DAAM2: variants seen among roughly 807,000 people sequenced by gnomAD.
DAAM2 encodes the protein dishevelled associated activator of morphogenesis 2, also known as disheveled-associated activator of morphogenesis 2.
Under a neutral mutation model 120.7 loss-of-function variants are expected in DAAM2, and 39 were observed. That is an observed-to-expected ratio of 0.32 (90% CI 0.25 to 0.42). The LOEUF (loss-of-function observed/expected upper bound fraction) is 0.42. Ranked by LOEUF, DAAM2 falls within the 10% of genes least tolerant of loss-of-function variation. The pLI is 1.00. For missense variants in DAAM2, 1,283 were observed against 1,401.7 expected, an observed-to-expected ratio of 0.92 and a Z score of 1.35; for synonymous variants, 488 against 524.9, an observed-to-expected ratio of 0.93 and a Z score of 0.96.
Position 39,904,430 on chromosome 6 carries a change from G to GTTGT in DAAM2, c.*2396_*2399dup, listed in dbSNP as rs1368582763. 4 of 454,848 alleles carry GTTGT rather than the reference G, an allele frequency of 8.8e-6. No homozygotes were observed. Among genetic ancestry groups the GTTGT allele is most frequent in the African/African-American group, 6.0e-5 (3 of 49,992 alleles). 28.2% of individuals were successfully genotyped at this position (454,848 alleles called of 1,614,324 possible). On this transcript the variant is annotated 3_prime_UTR_variant, in exon 25 of 25. Coordinates refer to ENST00000274867, the MANE Select transcript of DAAM2 (RefSeq NM_001201427.2). ...GGGTGGCTGAGCTGGTCCTTAATAG[G>GTTGT]TTGTTTCTTGGTCTTGCTTTCTTCA... is the stretch of plus-strand genomic sequence containing the variant.
intron 1 of DAAM2, among the ~76,000 whole-genome samples, chr6:39,842,923 A>G (rs1342321084): frequency 1.3e-5 from 2 of 152,026 alleles, no homozygotes; most frequent in Non-Finnish European, 2.9e-5. Context: ...ATTCTTTACT[A>G]TGTTTCAAAG....
intron 1 of DAAM2, among the ~76,000 whole-genome samples, chr6:39,853,419 C>T (rs778182988): frequency 6.6e-6 from 1 of 152,206 alleles, no homozygotes; most frequent in African/African-American, 2.4e-5. Context: ...AGGTCCTTCT[C>T]TTGGGGGATG....
chr6:39,898,096 TAGAA>T (rs1766229014), intron 21 of DAAM2, among the ~76,000 whole-genome samples: 1 of 152,180 alleles, frequency 6.6e-6, no homozygotes, highest in Admixed American at 6.5e-5. Context: ...GAGCCAGAGA[TAGAA>T]AGAATGCCAG....
chr6:39,901,969 C>A lies in DAAM2; in HGVS notation c.3139C>A (p.Arg1047Ser), dbSNP rs766531470. ...DKDLCKLKRSRKRSGSQALEV... is the reference protein window; with the variant it reads ...DKDLCKLKRSSKRSGSQALEV... ...GGACTTATGCAAGCTCAAGCGCAGC[C>A]GCAAGCGATCAGGGAGCCAGGCCCT... The change falls in exon 25 of 25, where the codon CGC becomes AGC. Residue 1047 changes from arginine to serine, a missense_variant. By Grantham distance (110) the Arg-to-Ser change is moderately radical. This residue lies in a region of DAAM2 where 748 missense variants were observed against 768.6 expected (regional missense o/e 0.97). Coordinates refer to ENST00000274867, the MANE Select transcript of DAAM2 (RefSeq NM_001201427.2). This position sits in a 1 kb window ranked among gnomAD's most constrained non-coding sequence, Gnocchi z 4.5. The A allele has an allele frequency of 5.0e-6, 8 of 1,612,302 alleles. No individual in the cohort carries two copies. Among genetic ancestry groups the A allele is most frequent in the Non-Finnish European group, 5.9e-6 (7 of 1,178,614 alleles).
Position 39,873,373 on chromosome 6 carries a change from G to T in DAAM2, c.1162+18G>T. On this transcript the variant is annotated intron_variant, in intron 10 of 24. Transcript: ENST00000274867. The stretch of plus-strand genomic sequence containing the variant: ...GATGCCCTGTAAGTACCCTGCACTT[G>T]CTGCTTCCCTCGACTGGCCTGAACC... The T allele has an allele frequency of 6.5e-7, 1 of 1,545,594 alleles. No individual in the cohort carries two copies. The highest frequency in any genetic ancestry group is 8.9e-7 in the Non-Finnish European group (1 of 1,120,764).
chr6:39,835,496 A>G (rs1283454376), intron 1 of DAAM2, among the ~76,000 whole-genome samples: 1 of 152,132 alleles, frequency 6.6e-6, no homozygotes, highest in Non-Finnish European at 1.5e-5. Context: ...CTCCAAATCT[A>G]GTGCTCTCTT....
chr6:39,884,115 C>A, intron 15 of DAAM2, 46 bp downstream of exon 15: 1 of 999,828 alleles, frequency 1.0e-6, no homozygotes, highest in Non-Finnish European at 1.6e-6. Flanking sequence ...CCCTTGAATC[C>A]AAACCTCAGC....
chr6:39,852,714 G>A (rs1763853241), intron 1 of DAAM2, among the ~76,000 whole-genome samples: 1 of 152,224 alleles, frequency 6.6e-6, no homozygotes, highest in East Asian at 1.9e-4. Flanking sequence ...GGATGAGGAA[G>A]CTGGGGCTTC....
intron 10 of DAAM2, 144 bp from the exon 11 acceptor site, chr6:39,875,186 G>A (rs979593341): frequency 2.5e-6 from 2 of 805,488 alleles, no homozygotes; most frequent in Admixed American, 2.7e-5. Flanking sequence ...ATCAGCAATG[G>A]CATTGCCTCT....
chr6:39,879,259 C>G lies in DAAM2; in HGVS notation c.1627C>G (p.Pro543Ala). The change falls in exon 14 of 25, where the codon CCC becomes GCC. Residue 543 changes from proline to alanine, a missense_variant. This residue lies in a region of DAAM2 where 748 missense variants were observed against 768.6 expected (regional missense o/e 0.97). Transcript: ENST00000274867. ...SSMTTNDLPP[P>A]PPPLPFACCP... is the part of the protein sequence containing the mutation. ...AATGACAACCAATGACCTGCCTCCA[C>G]CCCCTCCTCCTCTGCCCTTTGCCTG... The G allele has an allele frequency of 5.9e-6, 9 of 1,533,736 alleles. No homozygotes were observed. Among genetic ancestry groups the G allele is most frequent in the Non-Finnish European group, 7.9e-6 (9 of 1,133,782 alleles).
At position 39,903,394 on chromosome 6, in the gene DAAM2, G is replaced by C. The variant is rs1766598815; in HGVS notation, c.*1357G>C. 6.6e-6 allele frequency: 1 copy of C among 152,246 alleles called. No homozygotes were observed. Among genetic ancestry groups the C allele is most frequent in the African/African-American group, 2.4e-5 (1 of 41,456 alleles). 9.4% of individuals were successfully genotyped at this position (152,246 alleles called of 1,614,324 possible). On this transcript the variant is annotated 3_prime_UTR_variant, in exon 25 of 25. Transcript: ENST00000274867. ...TTTGGTTCTTCAGCCCAACTTGCAA[G>C]GGGTTCCTTCTGGTCCTCCCATCCA...
Position 39,901,473 on chromosome 6 carries a change from G to A in DAAM2, c.2982+1G>A. ...GCGGCGGGCGCGCATGGAAGCCATG[G>A]TGAGGGGCAGTGCCAGGCCTGGGAC... On this transcript the variant is annotated splice_donor_variant, in intron 24 of 24. Coordinates refer to ENST00000274867, the MANE Select transcript of DAAM2 (RefSeq NM_001201427.2). LOFTEE classifies it high-confidence loss of function. This position sits in a 1 kb window ranked among gnomAD's most constrained non-coding sequence, Gnocchi z 4.5. 6.2e-7 allele frequency: 1 copy of A among 1,603,902 alleles called. No individual in the cohort carries two copies. The highest frequency in any genetic ancestry group is 8.5e-7 in the Non-Finnish European group (1 of 1,178,758).
chr6:39,815,651 T>TACACACACACAC lies in DAAM2; in HGVS notation c.-57+23209_-57+23220dup, dbSNP rs56736428. Among the ~76,000 whole-genome samples the TACACACACACAC allele has an allele frequency of 2.9e-3, 433 of 149,066 alleles. 2 individuals carry two copies. The highest frequency in any genetic ancestry group is 8.4e-3 in the African/African-American group (338 of 40,398). On this transcript the variant is annotated intron_variant, in intron 1 of 24. Transcript: ENST00000274867. The stretch of plus-strand genomic sequence containing the variant: ...TGGAATTACTCCCATACCCCTGGTT[T>TACACACACACAC]ACACACACACACACACACACACACA...
At position 39,871,565 on chromosome 6, in the gene DAAM2, T is replaced by C; in HGVS notation, c.1037T>C (p.Phe346Ser). ...NEDDLELARR[F>S]DMVHIDTKSA... ...GATGACCTGGAGCTAGCCAGGAGGT[T>C]TGACATGGTGAGGAGCCAGCAGGGT... The change falls in exon 9 of 25, where the codon TTT becomes TCT. Residue 346 changes from phenylalanine (F) to serine (S), a missense_variant. Around this residue, in one of 3 missense-constraint regions of DAAM2, gnomAD observed 338 missense variants for 443.9 expected, o/e 0.76. Coordinates refer to ENST00000274867, the MANE Select transcript of DAAM2 (RefSeq NM_001201427.2). 4 of 1,550,492 alleles carry C rather than the reference T, an allele frequency of 2.6e-6. No individual in the cohort carries two copies. Among genetic ancestry groups the C allele is most frequent in the Non-Finnish European group, 3.5e-6 (4 of 1,146,964 alleles).
intron 1 of DAAM2, among the ~76,000 whole-genome samples, chr6:39,805,966 A>G (rs1024439556): frequency 1.1e-4 from 16 of 152,214 alleles, no homozygotes; most frequent in African/African-American, 3.9e-4. Flanking sequence ...CCTTCCCTTA[A>G]GAAACATAAA....
chr6:39,866,197 A>C (rs1764423545), intron 5 of DAAM2, among the ~76,000 whole-genome samples: 1 of 152,158 alleles, frequency 6.6e-6, no homozygotes. Flanking sequence ...AAGGGGATAG[A>C]GGAAAGGATG....
chr6:39,889,638 T>G (rs532568983), intron 17 of DAAM2, among the ~76,000 whole-genome samples: 1 of 152,198 alleles, frequency 6.6e-6, no homozygotes, highest in African/African-American at 2.4e-5. Context: ...CTGGAGGCAT[T>G]GACCCTCCAT....
Position 39,859,922 on chromosome 6 carries a change from G to T in DAAM2, c.169-1006G>T, listed in dbSNP as rs1248953482. ...AGACTATTATACTTCCTTAGATATT[G>T]TTTTCACTGTTTATTGTATTTGAAA... is the stretch of plus-strand genomic sequence containing the variant. On this transcript the variant is annotated intron_variant, in intron 2 of 24. Coordinates refer to ENST00000274867, the MANE Select transcript of DAAM2 (RefSeq NM_001201427.2). Among the ~76,000 whole-genome samples, 4 of 151,988 alleles carry T rather than the reference G, an allele frequency of 2.6e-5. No individual in the cohort carries two copies. The East Asian group carries it at 7.7e-4, about 29-fold the overall frequency.
intron 14 of DAAM2, 147 bp from the exon 15 acceptor site, chr6:39,883,815 G>A (rs1473239454): frequency 3.2e-6 from 2 of 631,088 alleles, no homozygotes; most frequent in African/African-American, 1.8e-5. Context: ...GGAGGTTGAG[G>A]GGAGCAACCG....
Sources: gnomAD v4.1 joint callset for allele counts (sites outside exome capture counted in the v4.1 genomes callset) on GRCh38, gnomAD v4.1.1 for gene constraint, gnomAD v4.1.1 regional missense constraint, Gnocchi (gnomAD v3.1) non-coding constraint, MANE v1.5 for transcripts, NCBI Gene and HGNC (gene_info 2026-07-23, HGNC 2026-07-21) for gene names.